Variants in AMOTL1 observed in about 807,000 individuals in gnomAD.
AMOTL1 encodes angiomotin-like protein 1.
AMOTL1 carries 45 observed loss-of-function variants against 102.9 expected under a neutral mutation model. That is an observed-to-expected ratio of 0.44 (90% CI 0.34 to 0.56). AMOTL1 has a LOEUF of 0.56. Among genes scored for constraint, AMOTL1 ranks in the 20% least tolerant of loss-of-function variants. The probability of loss-of-function intolerance (pLI) is 0.01; values close to 1 mark genes in which losing one functional copy is unlikely to be tolerated. For missense variants in AMOTL1, 1,114 were observed against 1,225.6 expected (o/e 0.91, Z 1.36); for synonymous variants, 481 against 484.7 (o/e 0.99, Z 0.10).
At position 94,866,101 on chromosome 11, in the gene AMOTL1, G is replaced by T; in HGVS notation, c.2421G>T (p.Gln807His). ...CAGCTACTGGGACACACTCTCGCCAGACCTCTCTTACCAGCAGCCAGCTGG... is the reference window on the plus strand; with the variant it reads ...CAGCTACTGGGACACACTCTCGCCATACCTCTCTTACCAGCAGCCAGCTGG... The part of the protein sequence containing the change: ...IAAATGTHSR[Q>H]TSLTSSQLAE... Residue 807 changes from glutamine (Q) to histidine (H), a missense_variant, in exon 11 of 13, where the codon CAG (glutamine) becomes CAT (histidine). Coordinates refer to ENST00000433060, the MANE Select transcript of AMOTL1 (RefSeq NM_130847.3). 1 of 1,613,980 alleles carries T rather than the reference G, an allele frequency of 6.2e-7. No individual in the cohort carries two copies. Among genetic ancestry groups the T allele is most frequent in the Non-Finnish European group, 8.5e-7 (1 of 1,179,896 alleles).
chr11:94,826,813 G>T (rs547733351), intron 4 of AMOTL1, among the ~76,000 whole-genome samples: 1 of 152,128 alleles, frequency 6.6e-6, no homozygotes, highest in Non-Finnish European at 1.5e-5. Context: ...CACTGAAGGG[G>T]ATTAGTCTTT....
intron 1 of AMOTL1, among the ~76,000 whole-genome samples, chr11:94,725,247 G>T (rs1033591372): frequency 1.3e-5 from 2 of 152,100 alleles, no homozygotes; most frequent in African/African-American, 4.8e-5. Context: ...GAGAAGACGT[G>T]GGGGAATGTA....
At chr11:94,714,399 A>G (rs1950065644) in intron 1 of AMOTL1, among the ~76,000 whole-genome samples, 1 of 152,110 alleles carries the variant, frequency 6.6e-6, no homozygotes, top group Admixed American at 6.6e-5. Context: ...GCCTCATAAA[A>G]TGAGTTAGAA....
At chr11:94,857,856 C>G (rs1032454859) in intron 8 of AMOTL1, among the ~76,000 whole-genome samples, 1 of 152,030 alleles carries the variant, frequency 6.6e-6, no homozygotes, top group Non-Finnish European at 1.5e-5. Flanking sequence ...CAATACTTGT[C>G]GTCTAGATGG....
At chr11:94,795,638 A>C (rs1157671665) in intron 2 of AMOTL1, among the ~76,000 whole-genome samples, 1 of 152,190 alleles carries the variant, frequency 6.6e-6, no homozygotes, top group African/African-American at 2.4e-5. Flanking sequence ...ACTGTGAGGG[A>C]ATCTTTAAAC....
intron 3 of AMOTL1, among the ~76,000 whole-genome samples, chr11:94,815,159 C>T (rs1015866448): frequency 2.6e-5 from 4 of 152,062 alleles, no homozygotes; most frequent in East Asian, 3.8e-4. Flanking sequence ...CATAAATTAT[C>T]GTTTAGATTC....
intron 3 of AMOTL1, among the ~76,000 whole-genome samples, chr11:94,750,678 CAAGCCCTG>C (rs1254676768): frequency 2.0e-5 from 3 of 152,318 alleles, no homozygotes; most frequent in Non-Finnish European, 4.4e-5. Context: ...TCCTCCTCCT[CAAGCCCTG>C]AACACAGCTT....
intron 7 of AMOTL1, 62 bp from the exon 8 acceptor site, chr11:94,853,871 C>G: frequency 6.4e-7 from 1 of 1,560,232 alleles, no homozygotes; most frequent in Non-Finnish European, 8.7e-7. Flanking sequence ...CCACCTCCTC[C>G]ACCCCAGCTT....
intron 1 of AMOTL1, among the ~76,000 whole-genome samples, chr11:94,776,284 C>T (rs1937932087): frequency 1.3e-5 from 2 of 152,226 alleles, no homozygotes; most frequent in African/African-American, 4.8e-5. Context: ...GCCCACCCTA[C>T]ATCCAGTCAG....
chr11:94,735,634 C>T (rs1950428100), intron 2 of AMOTL1, among the ~76,000 whole-genome samples: 1 of 152,078 alleles, frequency 6.6e-6, no homozygotes, highest in African/African-American at 2.4e-5. Context: ...AAATTTTTGC[C>T]TTTAATCTGG....
intron 3 of AMOTL1, among the ~76,000 whole-genome samples, chr11:94,742,337 A>G (rs1359379511): frequency 6.6e-6 from 1 of 152,250 alleles, no homozygotes; most frequent in Non-Finnish European, 1.5e-5. Context: ...TAATGACACC[A>G]GCATTGACAC....
intron 3 of AMOTL1, among the ~76,000 whole-genome samples, chr11:94,802,696 A>G (rs1591981448): frequency 6.6e-6 from 1 of 152,354 alleles, no homozygotes; most frequent in African/African-American, 2.4e-5. Context: ...GCTGGGTCCC[A>G]GAGCCACAAG....
At chr11:94,756,900 A>T (rs1417505491) in intron 3 of AMOTL1, among the ~76,000 whole-genome samples, 1 of 151,350 alleles carries the variant, frequency 6.6e-6, no homozygotes, top group East Asian at 1.9e-4. Flanking sequence ...CTTGATTTCA[A>T]CTCCCCTGCC....
intron 6 of AMOTL1, among the ~76,000 whole-genome samples, chr11:94,848,729 C>T (rs1286401178): frequency 1.3e-5 from 2 of 152,156 alleles, no homozygotes; most frequent in African/African-American, 4.8e-5. Context: ...TCCTTTCTGG[C>T]TCTAAAGTTG....
chr11:94,795,029 A>T lies in AMOTL1; in HGVS notation c.68A>T (p.Tyr23Phe). Residue 23 changes from tyrosine (Y) to phenylalanine (F), a missense_variant, in exon 2 of 13, where the codon TAT (tyrosine) becomes TTT (phenylalanine). Tyr to Phe is a conservative substitution (Grantham distance 22). Coordinates refer to ENST00000433060, the MANE Select transcript of AMOTL1 (RefSeq NM_130847.3). ...CCCCCAGGGTCCCCTTCTGCTTGTTATAGCCCCAGTAGTCCTGTCCAGGTT... is the reference window on the plus strand; with the variant it reads ...CCCCCAGGGTCCCCTTCTGCTTGTTTTAGCCCCAGTAGTCCTGTCCAGGTT... Reference protein sequence around the residue: ...PAVKGSPSACYSPSSPVQVLE... With the variant: ...PAVKGSPSACFSPSSPVQVLE... 6.2e-7 allele frequency: 1 copy of T among 1,611,246 alleles called. No individual in the cohort carries two copies. Among genetic ancestry groups the T allele is most frequent in the Non-Finnish European group, 8.5e-7 (1 of 1,179,118 alleles).
chr11:94,870,923 CATA>C lies in AMOTL1; in HGVS notation c.*130_*132del. 1.5e-6 allele frequency: 1 copy of C among 653,394 alleles called. No individual in the cohort carries two copies. The highest frequency in any genetic ancestry group is 2.5e-6 in the Non-Finnish European group (1 of 406,668). 40.5% of individuals were successfully genotyped at this position (653,394 alleles called of 1,614,324 possible). A position where few individuals can be genotyped will look rare whatever the true frequency, so the allele number is the denominator to read the frequency against. On this transcript the variant is annotated 3_prime_UTR_variant, in exon 13 of 13. Coordinates refer to ENST00000433060, the MANE Select transcript of AMOTL1 (RefSeq NM_130847.3). Reference sequence around the variant, plus strand: ...TTTGAACTGATAAAGATTTCAGACTCATAAGAACACATTTTATAAATGTTAAAC... The same window carrying C: ...TTTGAACTGATAAAGATTTCAGACTCAGAACACATTTTATAAATGTTAAAC...
chr11:94,792,584 T>TAC (rs1315957927), intron 1 of AMOTL1, among the ~76,000 whole-genome samples: 2 of 152,166 alleles, frequency 1.3e-5, no homozygotes, highest in Non-Finnish European at 2.9e-5. Flanking sequence ...ATCTGCTGGG[T>TAC]CTGTTGTCAT....
intron 2 of AMOTL1, among the ~76,000 whole-genome samples, chr11:94,734,778 G>A (rs1423607506): frequency 6.6e-6 from 1 of 152,202 alleles, no homozygotes. Context: ...GCAATACCAG[G>A]AAGGAGAGGA....
chr11:94,711,625 A>G (rs1950022989), intron 1 of AMOTL1, among the ~76,000 whole-genome samples: 1 of 152,118 alleles, frequency 6.6e-6, no homozygotes, highest in Admixed American at 6.6e-5. Context: ...ACCCTTTGAG[A>G]CTACTAATCT....
Sources: gnomAD v4.1 joint callset for allele counts (sites outside exome capture counted in the v4.1 genomes callset) on GRCh38, gnomAD v4.1.1 for gene constraint, MANE v1.5 for transcripts, NCBI Gene and HGNC (gene_info 2026-07-23, HGNC 2026-07-21) for gene names.